PTH2R: variants seen among roughly 807,000 people sequenced by gnomAD.
The protein encoded by PTH2R is parathyroid hormone 2 receptor.
A neutral mutation model predicts 60.3 loss-of-function variants in PTH2R; 59 were observed. The observed-to-expected ratio is 0.98, with a 90% CI of 0.79 to 1.22. PTH2R has a LOEUF of 1.22. PTH2R is among the 50% of genes most tolerant of loss of function. PTH2R has a pLI of 0.00. For missense variants in PTH2R, 749 were observed against 682.6 expected (o/e 1.10, Z -1.08); for synonymous variants, 256 against 243.8 (o/e 1.05, Z -0.47).
chr2:208,447,461 G>T (rs867928872), intron 7 of PTH2R, among the ~76,000 whole-genome samples: 1 of 151,724 alleles, frequency 6.6e-6, no homozygotes, highest in Non-Finnish European at 1.5e-5. Flanking sequence ...GCTGGCAGGC[G>T]CCTGTAGTCC....
intron 1 of PTH2R, among the ~76,000 whole-genome samples, chr2:208,393,173 C>T (rs1701140631): frequency 6.6e-6 from 1 of 152,192 alleles, no homozygotes; most frequent in Non-Finnish European, 1.5e-5. Flanking sequence ...ACTAAAGTGG[C>T]TATTCTCAGG....
intron 1 of PTH2R, chr2:208,361,298 G>A (rs1243053424): frequency 6.5e-6 from 1 of 153,204 alleles, no homozygotes; most frequent in Non-Finnish European, 1.5e-5. Flanking sequence ...TGGTTGTTGA[G>A]GCAGATGGTG....
chr2:208,446,072 T>C (rs1178662854), intron 7 of PTH2R, among the ~76,000 whole-genome samples: 1 of 152,190 alleles, frequency 6.6e-6, no homozygotes, highest in African/African-American at 2.4e-5. Context: ...GAAAAGGTGT[T>C]GATAGAAAAT....
intron 9 of PTH2R, among the ~76,000 whole-genome samples, chr2:208,477,967 C>G (rs1011507603): frequency 7.1e-5 from 2 of 27,980 alleles, no homozygotes; most frequent in African/African-American, 1.3e-4. Context: ...ACTACTAGTA[C>G]TAGTACTACT....
intron 1 of PTH2R, among the ~76,000 whole-genome samples, chr2:208,394,022 C>A (rs765585276): frequency 2.7e-4 from 41 of 152,164 alleles, no homozygotes; most frequent in Non-Finnish European, 5.3e-4. Context: ...GTGGGCTTGC[C>A]TGTTGTGGCT....
chr2:208,464,108 T>G (rs1050102515), intron 9 of PTH2R, among the ~76,000 whole-genome samples: 4 of 152,254 alleles, frequency 2.6e-5, no homozygotes, highest in African/African-American at 9.6e-5. Flanking sequence ...AGGCTTTACT[T>G]CATAATCGAG....
chr2:208,456,465 C>T (rs1436917870), intron 8 of PTH2R, among the ~76,000 whole-genome samples: 1 of 152,196 alleles, frequency 6.6e-6, no homozygotes, highest in East Asian at 1.9e-4. Flanking sequence ...TTTTGTTTCA[C>T]CATCCAGCAG....
intron 1 of PTH2R, among the ~76,000 whole-genome samples, chr2:208,400,686 C>G (rs1701292143): frequency 6.6e-6 from 1 of 152,084 alleles, no homozygotes; most frequent in Admixed American, 6.6e-5. Context: ...CAGACAATAA[C>G]TTAATTTTAT....
In PTH2R at chr2:208,475,754, T is replaced by C. The variant is rs932783036; in HGVS notation, c.982-5316T>C. 2.0e-5 allele frequency among the ~76,000 whole-genome samples: 3 copies of C among 152,302 alleles called. No homozygotes were observed. The South Asian group carries it at 6.2e-4, about 32-fold the overall frequency. The stretch of plus-strand genomic sequence containing the variant: ...AGATTCTTTCTTTTTCAGGTCACTT[T>C]TTATTGGCATATATTTACTTACTTT... On this transcript the variant is annotated intron_variant, in intron 9 of 12. Coordinates refer to ENST00000272847, the MANE Select transcript of PTH2R (RefSeq NM_005048.4).
At chr2:208,362,132 C>T (rs1271348119) in intron 1 of PTH2R, among the ~76,000 whole-genome samples, 1 of 152,196 alleles carries the variant, frequency 6.6e-6, no homozygotes, top group African/African-American at 2.4e-5. Flanking sequence ...GGTTCTCAGG[C>T]CTTCAGACTC....
intron 4 of PTH2R, among the ~76,000 whole-genome samples, chr2:208,441,286 G>A (rs941276899): frequency 6.6e-6 from 1 of 152,186 alleles, no homozygotes; most frequent in African/African-American, 2.4e-5. Flanking sequence ...GGCGAAGTCT[G>A]GAAGAGTCTG....
At chr2:208,419,113 T>C (rs1317341443) in intron 1 of PTH2R, among the ~76,000 whole-genome samples, 1 of 152,188 alleles carries the variant, frequency 6.6e-6, no homozygotes, top group Non-Finnish European at 1.5e-5. Flanking sequence ...TCCACAATGG[T>C]TGAACTAGTT....
intron 1 of PTH2R, among the ~76,000 whole-genome samples, chr2:208,383,664 C>T (rs986487092): frequency 3.3e-5 from 5 of 152,192 alleles, no homozygotes; most frequent in Admixed American, 6.5e-5. Context: ...TCTAGAAATA[C>T]ATTTTATTAA....
At chr2:208,380,965 T>TA (rs913791344) in intron 1 of PTH2R, among the ~76,000 whole-genome samples, 34 of 152,072 alleles carry the variant, frequency 2.2e-4, no homozygotes, top group African/African-American at 7.7e-4. Context: ...AGAATGAAGG[T>TA]AAAAAAATTG....
Position 208,443,412 on chromosome 2 carries a change from A to G in PTH2R, c.574A>G (p.Thr192Ala). 6.2e-7 allele frequency: 1 copy of G among 1,613,264 alleles called. No homozygotes were observed. Among genetic ancestry groups the G allele is most frequent in the Non-Finnish European group, 8.5e-7 (1 of 1,179,606 alleles). Reference protein sequence around the residue: ...HLFVSFMLRATSIFVKDRVVH... With the variant: ...HLFVSFMLRAASIFVKDRVVH... ...ATTTGTGTCTTTCATGCTGAGAGCTACAAGCATCTTTGTCAAAGACAGAGT... is the reference window on the plus strand; with the variant it reads ...ATTTGTGTCTTTCATGCTGAGAGCTGCAAGCATCTTTGTCAAAGACAGAGT... Residue 192 changes from threonine to alanine, a missense_variant, in exon 6 of 13, where the codon ACA becomes GCA. Coordinates refer to ENST00000272847, the MANE Select transcript of PTH2R (RefSeq NM_005048.4).
intron 8 of PTH2R, among the ~76,000 whole-genome samples, chr2:208,458,442 T>G (rs1474480144): frequency 6.6e-6 from 1 of 152,152 alleles, no homozygotes; most frequent in Non-Finnish European, 1.5e-5. Flanking sequence ...CTGTCAAAGA[T>G]TTTTAAAAAA....
chr2:208,411,633 T>C lies in PTH2R; in HGVS notation c.75+4515T>C, dbSNP rs561702431. Among the ~76,000 whole-genome samples, 5 of 152,380 alleles carry C rather than the reference T, an allele frequency of 3.3e-5. No individual in the cohort carries two copies. In the South Asian group the frequency reaches 1.0e-3, roughly 32 times the overall value. ...TTCATGCATCTCACTTATTTTCCTG[T>C]CTTGAACTTCAATTGGTTTTGTCAT... On this transcript the variant is annotated intron_variant, in intron 1 of 12. Coordinates refer to ENST00000272847, the MANE Select transcript of PTH2R (RefSeq NM_005048.4).
chr2:208,406,772 C>T (rs112552177), upstream of PTH2R: 9 of 328,348 alleles, frequency 2.7e-5, no homozygotes, highest in Admixed American at 9.8e-5. Flanking sequence ...GCAGGCGGCG[C>T]GGGGCTGCGA....
chr2:208,373,361 G>A (rs1402302587), intron 1 of PTH2R, among the ~76,000 whole-genome samples: 2 of 151,976 alleles, frequency 1.3e-5, no homozygotes, highest in African/African-American at 4.8e-5. Context: ...AGATAATATT[G>A]CTGTAGTAAT....
Sources: allele counts gnomAD v4.1 joint callset (sites outside exome capture counted in the v4.1 genomes callset), GRCh38; gene constraint gnomAD v4.1.1; transcripts MANE v1.5; gene names NCBI Gene and HGNC (gene_info 2026-07-23, HGNC 2026-07-21).